The following CNTN4 variants were observed in gnomAD, a reference collection of about 807,000 sequenced individuals.
CNTN4 encodes contactin-4.
Under a neutral mutation model 122.5 loss-of-function variants are expected in CNTN4, and 77 were observed. That is an observed-to-expected ratio of 0.63 (90% CI 0.52 to 0.76). The LOEUF is 0.76. CNTN4 is among the 30% of genes least tolerant of loss of function. CNTN4 has a pLI of 0.00. For missense variants in CNTN4, 1,256 were observed against 1,259.1 expected (o/e 1.00, Z 0.04); for synonymous variants, 512 against 447.0 (o/e 1.15, Z -1.83).
chr3:2,920,143 G>A lies in CNTN4; in HGVS notation c.1208-5486G>A, dbSNP rs180759535. Reference sequence around the variant, plus strand: ...CCATACCAGCATGTAATACTCAGCAGGAAAAAGGAACAAAAACTCCAAAAG... The same window carrying A: ...CCATACCAGCATGTAATACTCAGCAAGAAAAAGGAACAAAAACTCCAAAAG... On this transcript the variant is annotated intron_variant, in intron 12 of 24. Transcript: ENST00000418658. 6.8e-4 allele frequency among the ~76,000 whole-genome samples: 103 copies of A among 151,488 alleles called. 1 individual carries two copies. Among genetic ancestry groups the A allele is most frequent in the African/African-American group, 2.3e-3 (95 of 41,258 alleles).
chr3:2,999,624 C>G (rs1695849234), intron 14 of CNTN4, among the ~76,000 whole-genome samples: 1 of 152,040 alleles, frequency 6.6e-6, no homozygotes, highest in South Asian at 2.1e-4. Context: ...AGGGGAGGAA[C>G]ATGGCTAATT....
At chr3:2,955,103 A>G (rs2094785439) in intron 13 of CNTN4, among the ~76,000 whole-genome samples, 2 of 152,172 alleles carry the variant, frequency 1.3e-5, no homozygotes, top group Admixed American at 6.5e-5. Flanking sequence ...CTGCCATGAA[A>G]AGTCTTATGA....
chr3:2,107,922 C>A (rs1286409827), intron 2 of CNTN4, among the ~76,000 whole-genome samples: 1 of 152,122 alleles, frequency 6.6e-6, no homozygotes, highest in Non-Finnish European at 1.5e-5. Flanking sequence ...AGAGCTCTCA[C>A]TAAATTATAA....
intron 3 of CNTN4, among the ~76,000 whole-genome samples, chr3:2,471,501 A>G (rs1285687520): frequency 6.6e-6 from 1 of 152,144 alleles, no homozygotes; most frequent in Non-Finnish European, 1.5e-5. Context: ...AGTGAGTGGC[A>G]TCTGTGTTTT....
intron 16 of CNTN4, among the ~76,000 whole-genome samples, chr3:3,033,505 G>A (rs1483467844): frequency 1.3e-5 from 2 of 152,220 alleles, no homozygotes; most frequent in Non-Finnish European, 2.9e-5. Flanking sequence ...TGCTCTGTGA[G>A]AGGTTTCTTT....
chr3:2,771,112 T>A (rs1322304299), intron 6 of CNTN4, among the ~76,000 whole-genome samples: 1 of 152,200 alleles, frequency 6.6e-6, no homozygotes, highest in Non-Finnish European at 1.5e-5. Flanking sequence ...GCAAAATGAC[T>A]GTCATTAAAG....
At chr3:2,348,558 C>A (rs62244019) in intron 3 of CNTN4, among the ~76,000 whole-genome samples, 19,331 of 152,160 alleles carry the variant, frequency 0.13, 1,531 homozygotes, top group Non-Finnish European at 0.18. Context: ...GTTCCTTTAT[C>A]AGACCTTCAG....
At chr3:2,781,690 G>C (rs983176096) in intron 6 of CNTN4, among the ~76,000 whole-genome samples, 1 of 150,742 alleles carries the variant, frequency 6.6e-6, no homozygotes, top group Non-Finnish European at 1.5e-5. Flanking sequence ...GCTCAAAGGT[G>C]GGGGGTGCTT....
At chr3:2,125,330 CTG>C (rs397721422) in intron 2 of CNTN4, among the ~76,000 whole-genome samples, 42,122 of 143,234 alleles carry the variant, frequency 0.29, 5,969 homozygotes, top group East Asian at 0.3. Flanking sequence ...ATTCTATTCT[CTG>C]TGTGTGTGTG....
At chr3:2,680,880 C>G (rs555142223) in intron 4 of CNTN4, among the ~76,000 whole-genome samples, 1 of 152,072 alleles carries the variant, frequency 6.6e-6, no homozygotes. Context: ...TTGACAAGTA[C>G]GTTCCATTTT....
chr3:2,715,190 A>T (rs1013086624), intron 4 of CNTN4, among the ~76,000 whole-genome samples: 1 of 152,332 alleles, frequency 6.6e-6, no homozygotes, highest in East Asian at 1.9e-4. Context: ...AGAAAACTGT[A>T]TGTTTCTAAA....
chr3:2,991,183 A>G (rs1489616261), intron 14 of CNTN4, among the ~76,000 whole-genome samples: 1 of 152,202 alleles, frequency 6.6e-6, no homozygotes, highest in Non-Finnish European at 1.5e-5. Context: ...TCGCTGAAAC[A>G]TGCACAACAC....
At chr3:2,199,252 C>T (rs1017919695) in intron 2 of CNTN4, among the ~76,000 whole-genome samples, 1 of 152,042 alleles carries the variant, frequency 6.6e-6, no homozygotes, top group Non-Finnish European at 1.5e-5. Context: ...TCTGTGACTC[C>T]ACCCTCTACT....
chr3:2,817,005 G>C (rs4342096), intron 6 of CNTN4, among the ~76,000 whole-genome samples: 1 of 152,088 alleles, frequency 6.6e-6, no homozygotes, highest in East Asian at 1.9e-4. Flanking sequence ...TCTTGACTTA[G>C]AAAAGTATCA....
chr3:2,253,945 T>TA (rs1405081657), intron 2 of CNTN4, among the ~76,000 whole-genome samples: 3 of 152,134 alleles, frequency 2.0e-5, no homozygotes, highest in Non-Finnish European at 4.4e-5. Flanking sequence ...AACATGCAGG[T>TA]TTGTTACATA....
At chr3:3,049,184 G>A (rs1417198654) in intron 23 of CNTN4, among the ~76,000 whole-genome samples, 1 of 152,202 alleles carries the variant, frequency 6.6e-6, no homozygotes, top group Non-Finnish European at 1.5e-5. Flanking sequence ...CAGGGTTCAA[G>A]CAGTTCTCCT....
chr3:2,700,253 G>T (rs897604520), intron 4 of CNTN4, among the ~76,000 whole-genome samples: 1 of 152,176 alleles, frequency 6.6e-6, no homozygotes, highest in South Asian at 2.1e-4. Flanking sequence ...AGATCATCAT[G>T]TCCAGTTCTC....
intron 6 of CNTN4, among the ~76,000 whole-genome samples, chr3:2,747,499 C>G (rs1015875992): frequency 4.6e-5 from 7 of 151,430 alleles, no homozygotes; most frequent in African/African-American, 1.2e-4. Context: ...AAATTACCAG[C>G]TCTTAAGATT....
chr3:2,390,989 G>C (rs2046421146), intron 3 of CNTN4, among the ~76,000 whole-genome samples: 1 of 152,120 alleles, frequency 6.6e-6, no homozygotes, highest in Non-Finnish European at 1.5e-5. Context: ...AATTCATAAT[G>C]GTTATTATCT....
Sources: allele counts gnomAD v4.1 joint callset (sites outside exome capture counted in the v4.1 genomes callset), GRCh38; gene constraint gnomAD v4.1.1; transcripts MANE v1.5; gene names NCBI Gene and HGNC (gene_info 2026-07-23, HGNC 2026-07-21).